DLC1: variants seen among roughly 807,000 people sequenced by gnomAD.
The protein encoded by DLC1 is DLC1 Rho GTPase activating protein, also known as rho GTPase-activating protein 7.
DLC1 carries 54 observed loss-of-function variants against 140.3 expected under a neutral mutation model. The ratio of observed to expected loss-of-function variants is 0.38; its 90% CI spans 0.31 to 0.48. The LOEUF is 0.48. Among genes scored for constraint, DLC1 ranks in the 20% least tolerant of loss-of-function variants. The pLI, the probability that DLC1 is intolerant of heterozygous loss-of-function variation, is 0.96. For synonymous variants in DLC1, 986 were observed against 728.1 expected, an observed-to-expected ratio of 1.35 and a Z score of -5.70; for missense variants, 2,536 against 1,907.0, an observed-to-expected ratio of 1.33 and a Z score of -6.14.
At chr8:13,462,359 G>C (rs1048536172) in intron 2 of DLC1, among the ~76,000 whole-genome samples, 2 of 149,732 alleles carry the variant, frequency 1.3e-5, no homozygotes, top group Non-Finnish European at 3.0e-5. Flanking sequence ...GGCTGACAAT[G>C]TATCCTGAAC....
rs1359947023 is a variant in DLC1, at chr8:13,567,846, G to T, written c.-126+36691C>A. 32 of 1,551,810 alleles carry T rather than the reference G, an allele frequency of 2.1e-5. 1 individual carries two copies. Among genetic ancestry groups the T allele is most frequent in the African/African-American group, 1.5e-4 (11 of 73,178 alleles). ...AAAGATCAGAGACAGAGCAGAAGTT[G>T]CAGCGAGATGGAAATAGTGCTTGTC... On this transcript the variant is annotated intron_variant, in intron 1 of 1. Transcript: ENST00000631382.
At chr8:13,119,731 C>G (rs1407201653) in intron 5 of DLC1, among the ~76,000 whole-genome samples, 1 of 152,018 alleles carries the variant, frequency 6.6e-6, no homozygotes, top group African/African-American at 2.4e-5. Context: ...GTGGGAGTAT[C>G]ATTTGAGGCC....
intron 5 of DLC1, among the ~76,000 whole-genome samples, chr8:13,144,461 T>G (rs1339143494): frequency 6.6e-6 from 1 of 152,178 alleles, no homozygotes; most frequent in Non-Finnish European, 1.5e-5. Context: ...CGTGAGACAA[T>G]TCCCTTAATA....
intron 5 of DLC1, among the ~76,000 whole-genome samples, chr8:13,175,877 C>T (rs181366606): frequency 1.8e-4 from 28 of 152,310 alleles, no homozygotes; most frequent in African/African-American, 4.8e-4. Context: ...GTCACAGCTT[C>T]CCTCTCCTTC....
intron 12 of DLC1, among the ~76,000 whole-genome samples, chr8:13,094,139 GT>G (rs925949477): frequency 6.6e-6 from 1 of 152,128 alleles, no homozygotes; most frequent in Non-Finnish European, 1.5e-5. Context: ...AGAGATCTTC[GT>G]ACCTGATCTT....
Position 13,110,828 on chromosome 8 carries a change from G to A in DLC1, c.1421-5C>T. ...TATCGATGGGGAACAGGAAATCTAT[G>A]AGAAAAATAAACAGATGTATTTGTT... On this transcript the variant is annotated splice_region_variant and splice_polypyrimidine_tract_variant and intron_variant, in intron 6 of 17. Coordinates refer to ENST00000276297, the MANE Select transcript of DLC1 (RefSeq NM_182643.3). 2 of 1,613,652 alleles carry A rather than the reference G, an allele frequency of 1.2e-6. No homozygotes were observed. Among genetic ancestry groups the A allele is most frequent in the South Asian group, 2.2e-5 (2 of 90,950 alleles).
intron 2 of DLC1, among the ~76,000 whole-genome samples, chr8:13,440,462 A>G (rs1798456817): frequency 6.6e-6 from 1 of 152,230 alleles, no homozygotes; most frequent in South Asian, 2.1e-4. Context: ...ACATGTGTCA[A>G]TGAAATGTCT....
rs1801740154 is a variant in DLC1, at chr8:13,500,126, G to A, written c.-55C>T. 1 of 1,372,484 alleles carries A rather than the reference G, an allele frequency of 7.3e-7. No individual in the cohort carries two copies. The highest frequency in any genetic ancestry group is 1.4e-5 in the South Asian group (1 of 70,162). 85.0% of individuals were successfully genotyped at this position (1,372,484 alleles called of 1,614,324 possible). On this transcript the variant is annotated 5_prime_UTR_variant, in exon 2 of 18. Transcript: ENST00000276297. ...ATATATTCCATATGAGGGTAAAGGA[G>A]ATGGAACTTGATGAAAGATTATTTC...
rs563719836 is a variant in DLC1, at chr8:13,115,083, A to T, written c.1420+503T>A. Among the ~76,000 whole-genome samples, 11 of 152,330 alleles carry T rather than the reference A, an allele frequency of 7.2e-5. No homozygotes were observed. The East Asian group carries it at 9.6e-4, about 13-fold the overall frequency. On this transcript the variant is annotated intron_variant, in intron 6 of 17. Transcript: ENST00000276297. ...AACAGAGAAAGCCAAAATACCCACC[A>T]ACCAGAGTGTGGATATGAATAAACA...
chr8:13,221,321 G>A (rs986623981), intron 5 of DLC1, among the ~76,000 whole-genome samples: 4 of 151,898 alleles, frequency 2.6e-5, no homozygotes, highest in South Asian at 2.1e-4. Context: ...CCCTGCTCAC[G>A]GGCCTATTTT....
intron 4 of DLC1, among the ~76,000 whole-genome samples, chr8:13,319,096 C>T (rs373434181): frequency 6.6e-6 from 1 of 152,128 alleles, no homozygotes; most frequent in Non-Finnish European, 1.5e-5. Flanking sequence ...TCTATTTATA[C>T]CTATAATGGG....
At chr8:13,333,141 C>G (rs906385743) in intron 4 of DLC1, among the ~76,000 whole-genome samples, 1 of 152,158 alleles carries the variant, frequency 6.6e-6, no homozygotes, top group African/African-American at 2.4e-5. Context: ...TTATTGCATG[C>G]ATGAATACAT....
intron 2 of DLC1, among the ~76,000 whole-genome samples, chr8:13,445,411 A>G (rs1042138272): frequency 1.3e-5 from 2 of 152,212 alleles, no homozygotes; most frequent in African/African-American, 4.8e-5. Context: ...GCACAGATAC[A>G]TAGTTTAAAT....
At chr8:13,272,324 T>A (rs1830967263) in intron 5 of DLC1, among the ~76,000 whole-genome samples, 2 of 152,028 alleles carry the variant, frequency 1.3e-5, no homozygotes, top group South Asian at 4.1e-4. Context: ...GGTGGTTGCC[T>A]GTAATCCCAG....
chr8:13,353,500 G>A (rs900797799), intron 4 of DLC1: 1 of 152,128 alleles, frequency 6.6e-6, no homozygotes, highest in Non-Finnish European at 1.5e-5. Context: ...GGCAGTGAAT[G>A]TTATAATCAA....
At chr8:13,471,610 T>A (rs1800212191) in intron 2 of DLC1, among the ~76,000 whole-genome samples, 1 of 151,472 alleles carries the variant, frequency 6.6e-6, no homozygotes, top group Non-Finnish European at 1.5e-5. Context: ...GGTGATGAAA[T>A]GATCTGTACA....
At chr8:13,347,254 C>T (rs11203479) in intron 4 of DLC1, among the ~76,000 whole-genome samples, 48,276 of 152,062 alleles carry the variant, frequency 0.32, 8,198 homozygotes, top group East Asian at 0.39. Context: ...GCTATGAAAT[C>T]AATCTTTCTA....
chr8:13,119,563 T>A (rs541086668), intron 5 of DLC1, among the ~76,000 whole-genome samples: 2 of 152,332 alleles, frequency 1.3e-5, no homozygotes, highest in South Asian at 4.1e-4. Flanking sequence ...TTAGTTCATT[T>A]ACACCTCACA....
At chr8:13,418,898 G>T (rs1420756326) in intron 2 of DLC1, among the ~76,000 whole-genome samples, 4 of 152,038 alleles carry the variant, frequency 2.6e-5, no homozygotes, top group Admixed American at 2.6e-4. Context: ...ATTGAGCAGT[G>T]GTTTGTAGTT....
Sources: allele counts gnomAD v4.1 joint callset (sites outside exome capture counted in the v4.1 genomes callset), GRCh38; gene constraint gnomAD v4.1.1; transcripts MANE v1.5; gene names NCBI Gene and HGNC (gene_info 2026-07-23, HGNC 2026-07-21).